The following SEMA4D variants were observed in gnomAD, a reference collection of about 807,000 sequenced individuals.
SEMA4D encodes the protein semaphorin-4D.
In SEMA4D, 22 loss-of-function variants were observed where a neutral mutation model predicts 74.8. The ratio of observed to expected loss-of-function variants is 0.29; its 90% CI spans 0.21 to 0.42. The LOEUF is 0.42. SEMA4D is among the 10% of genes least tolerant of loss of function. SEMA4D has a pLI of 1.00. For synonymous variants in SEMA4D, 445 were observed against 463.7 expected (o/e 0.96, Z 0.52); for missense variants, 937 against 1,118.4 (o/e 0.84, Z 2.31).
chr9:89,400,006 CAAAAAAAAAAAAA>C (rs33925502), intron 4 of SEMA4D, among the ~76,000 whole-genome samples: 1 of 58,980 alleles, frequency 1.7e-5, no homozygotes, highest in Non-Finnish European at 3.3e-5. Context: ...GACTCCGTCT[CAAAAAAAAAAAAA>C]AAAAAAAAAA....
chr9:89,465,925 T>A (rs1417430418), intron 1 of SEMA4D, among the ~76,000 whole-genome samples: 1 of 152,162 alleles, frequency 6.6e-6, no homozygotes, highest in East Asian at 1.9e-4. Context: ...CTTTAGCCGA[T>A]GGGAAGGTGA....
chr9:89,387,057 T>A, intron 12 of SEMA4D: 2 of 270,092 alleles, frequency 7.4e-6, no homozygotes, highest in South Asian at 7.4e-5. Flanking sequence ...TGACGCCTCC[T>A]CCCAGGTGGC....
intron 2 of SEMA4D, among the ~76,000 whole-genome samples, chr9:89,455,340 C>T (rs1855677191): frequency 6.6e-6 from 1 of 152,232 alleles, no homozygotes; most frequent in Admixed American, 6.5e-5. Context: ...CTCACCCCAG[C>T]CCAAGCCACT....
chr9:89,386,258 C>G (rs1838456162), intron 13 of SEMA4D, 109 bp downstream of exon 13: 10 of 1,018,714 alleles, frequency 9.8e-6, no homozygotes, highest in Non-Finnish European at 1.4e-5. Context: ...GGCAGACAGA[C>G]AGAGGGGCCT....
At chr9:89,371,765 G>T (rs1445098844) in intron 16 of SEMA4D, among the ~76,000 whole-genome samples, 6 of 90,172 alleles carry the variant, frequency 6.7e-5, no homozygotes, top group Non-Finnish European at 1.2e-4. Flanking sequence ...TGTGTGTGTG[G>T]GGGGTGTGGT....
chr9:89,497,713 A>G (rs1208543006), intron 1 of SEMA4D, among the ~76,000 whole-genome samples: 2 of 150,492 alleles, frequency 1.3e-5, no homozygotes, highest in African/African-American at 4.9e-5. Flanking sequence ...GAGGCGTCCC[A>G]GGAGGGGCCC....
intron 2 of SEMA4D, among the ~76,000 whole-genome samples, chr9:89,455,361 G>C (rs772241333): frequency 1.3e-5 from 2 of 152,224 alleles, no homozygotes; most frequent in Non-Finnish European, 2.9e-5. Flanking sequence ...GCCTTTGCCA[G>C]ACCTCCCTGA....
intron 7 of SEMA4D, among the ~76,000 whole-genome samples, chr9:89,392,984 G>A (rs761142723): frequency 2.6e-5 from 4 of 152,114 alleles, no homozygotes; most frequent in Admixed American, 2.0e-4. Context: ...ATGAGCCACT[G>A]AGCCTGGCTT....
At chr9:89,370,650 TGC>T (rs1258504661) in intron 16 of SEMA4D, among the ~76,000 whole-genome samples, 2 of 147,806 alleles carry the variant, frequency 1.4e-5, no homozygotes, top group Non-Finnish European at 3.0e-5. Flanking sequence ...ATGGCATGTG[TGC>T]GGTATACGTC....
intron 1 of SEMA4D, among the ~76,000 whole-genome samples, chr9:89,490,063 C>T (rs540594788): frequency 3.3e-4 from 50 of 150,980 alleles, no homozygotes; most frequent in Non-Finnish European, 6.0e-4. Flanking sequence ...TAGTAGGGTG[C>T]GAGATGGTAT....
At chr9:89,372,532 G>A (rs1025729754), downstream of SEMA4D, among the ~76,000 whole-genome samples, 5 of 151,652 alleles carry the variant, frequency 3.3e-5, no homozygotes, top group Admixed American at 2.0e-4. Context: ...CAGGGCCAAC[G>A]CGGTGCAGGA....
chr9:89,403,180 G>T (rs552662720), intron 3 of SEMA4D, among the ~76,000 whole-genome samples, 164 bp from the exon 4 acceptor site: 1 of 152,372 alleles, frequency 6.6e-6, no homozygotes, highest in East Asian at 1.9e-4. Flanking sequence ...CTGCTACAGT[G>T]GAGGTGGCCT....
intron 11 of SEMA4D, among the ~76,000 whole-genome samples, chr9:89,388,124 G>A (rs1346006409): frequency 1.3e-5 from 2 of 152,170 alleles, no homozygotes; most frequent in Non-Finnish European, 2.9e-5. Flanking sequence ...CCCTTGGGAG[G>A]GAGCTGGTGC....
chr9:89,459,257 T>G (rs1286698788), intron 1 of SEMA4D, among the ~76,000 whole-genome samples: 4 of 150,754 alleles, frequency 2.7e-5, no homozygotes, highest in Admixed American at 1.3e-4. Flanking sequence ...TCTGGGGGGG[T>G]CCAAGAACAT....
At chr9:89,491,940 C>T (rs1216586366) in intron 1 of SEMA4D, among the ~76,000 whole-genome samples, 3 of 152,186 alleles carry the variant, frequency 2.0e-5, no homozygotes, top group East Asian at 3.9e-4. Context: ...ACCAAAGGGG[C>T]GGCCCCAGCC....
At chr9:89,485,252 C>T (rs1825089014) in intron 1 of SEMA4D, among the ~76,000 whole-genome samples, 1 of 152,126 alleles carries the variant, frequency 6.6e-6, no homozygotes, top group Non-Finnish European at 1.5e-5. Context: ...ATTATGCTGA[C>T]TTCTCATCTC....
rs187602992 is a variant in SEMA4D at position 89,409,553 on chromosome 9, C to T, written c.-243-3854G>A. On this transcript the variant is annotated intron_variant, in intron 2 of 15. Transcript: ENST00000422704. ...ACCACCTTCTCAATTTTTCTATGAA[C>T]CTAAAGTTGATCTAAAAAATAAAGT... is the stretch of plus-strand genomic sequence containing the variant. 5.5e-3 allele frequency among the ~76,000 whole-genome samples: 835 copies of T among 152,102 alleles called. 5 individuals are homozygous for T. Among genetic ancestry groups the T allele is most frequent in the Non-Finnish European group, 9.8e-3 (667 of 68,002 alleles).
chr9:89,472,622 A>G (rs1860670153), intron 1 of SEMA4D: 2 of 197,234 alleles, frequency 1.0e-5, no homozygotes, highest in African/African-American at 2.4e-5. Flanking sequence ...GGGCCTAATG[A>G]TGTCGGTGCT....
chr9:89,470,375 A>G (rs1003391354), intron 1 of SEMA4D, among the ~76,000 whole-genome samples: 3 of 152,258 alleles, frequency 2.0e-5, no homozygotes, highest in South Asian at 2.1e-4. Flanking sequence ...AAATTAGCAC[A>G]TGAAAAGATG....
Sources: gnomAD v4.1 joint callset for allele counts (sites outside exome capture counted in the v4.1 genomes callset) on GRCh38, gnomAD v4.1.1 for gene constraint, MANE v1.5 for transcripts, NCBI Gene and HGNC (gene_info 2026-07-23, HGNC 2026-07-21) for gene names.